MSRB3: variants seen among roughly 807,000 people sequenced by gnomAD.
MSRB3 encodes the protein methionine sulfoxide reductase B3, also known as methionine-R-sulfoxide reductase B3.
A neutral mutation model predicts 21.0 loss-of-function variants in MSRB3; 13 were observed. The ratio of observed to expected loss-of-function variants is 0.62; its 90% CI spans 0.40 to 0.98. The LOEUF (loss-of-function observed/expected upper bound fraction) is 0.98. MSRB3 is among the 50% of genes least tolerant of loss of function. The pLI is 0.00. For missense variants in MSRB3, 199 were observed against 230.3 expected, an observed-to-expected ratio of 0.86 and a Z score of 0.88; for synonymous variants, 87 against 88.6, an observed-to-expected ratio of 0.98 and a Z score of 0.10.
chr12:65,331,937 T>C (rs1875449941), intron 4 of MSRB3, among the ~76,000 whole-genome samples: 1 of 152,206 alleles, frequency 6.6e-6, no homozygotes, highest in Non-Finnish European at 1.5e-5. Context: ...CTGCAAGCAC[T>C]AGAGGAGCTT....
chr12:65,403,391 C>T (rs1880238606), intron 5 of MSRB3, among the ~76,000 whole-genome samples: 1 of 152,162 alleles, frequency 6.6e-6, no homozygotes, highest in African/African-American at 2.4e-5. Flanking sequence ...TTTCTGGCGG[C>T]TTTGTTTACA....
intron 5 of MSRB3, among the ~76,000 whole-genome samples, chr12:65,382,092 T>A (rs912912709): frequency 6.6e-6 from 1 of 152,116 alleles, no homozygotes; most frequent in Non-Finnish European, 1.5e-5. Context: ...ATATCATCCC[T>A]TTCTTCACAA....
At chr12:65,325,598 G>C (rs1178991915) in intron 2 of MSRB3, among the ~76,000 whole-genome samples, 2 of 152,012 alleles carry the variant, frequency 1.3e-5, no homozygotes, top group Admixed American at 1.3e-4. Context: ...TAAGGTCAGC[G>C]ATCTCATACT....
At chr12:65,451,561 A>C (rs1435754604) in intron 5 of MSRB3, among the ~76,000 whole-genome samples, 3 of 152,172 alleles carry the variant, frequency 2.0e-5, no homozygotes, top group Non-Finnish European at 2.9e-5. Flanking sequence ...AACCTTGGCA[A>C]GTAACTTATC....
intron 1 of MSRB3, chr12:65,285,166 T>G (rs1872266835): frequency 6.6e-6 from 1 of 152,226 alleles, no homozygotes; most frequent in African/African-American, 2.4e-5. Flanking sequence ...TATTGATAAC[T>G]TCCTAATGTA....
intron 4 of MSRB3, among the ~76,000 whole-genome samples, chr12:65,349,322 G>T (rs1051856689): frequency 6.6e-6 from 1 of 151,714 alleles, no homozygotes; most frequent in African/African-American, 2.4e-5. Context: ...TGGACATTTG[G>T]GTTGGTTCCA....
intron 4 of MSRB3, among the ~76,000 whole-genome samples, chr12:65,351,281 C>T (rs1592553255): frequency 1.3e-5 from 2 of 149,742 alleles, no homozygotes; most frequent in African/African-American, 5.1e-5. Flanking sequence ...AAAGACACAA[C>T]ATACCAGAAT....
At chr12:65,282,948 TTAAAA>T (rs1872127925) in intron 1 of MSRB3, among the ~76,000 whole-genome samples, 2 of 152,214 alleles carry the variant, frequency 1.3e-5, no homozygotes, top group Non-Finnish European at 2.9e-5. Context: ...GTTATAGTCC[TTAAAA>T]TGAATTGTGA....
At chr12:65,332,711 A>G (rs1044600904) in intron 4 of MSRB3, among the ~76,000 whole-genome samples, 2 of 152,238 alleles carry the variant, frequency 1.3e-5, no homozygotes, top group Non-Finnish European at 2.9e-5. Flanking sequence ...GTGTGTGTGC[A>G]TGCATATACG....
intron 5 of MSRB3, among the ~76,000 whole-genome samples, chr12:65,371,573 A>ATG (rs149808439): frequency 0.58 from 85,982 of 147,660 alleles, 24,837 homozygotes; most frequent in Admixed American, 0.66. Flanking sequence ...GTTAAATTTT[A>ATG]TGTGTGTGTG....
intron 5 of MSRB3, among the ~76,000 whole-genome samples, chr12:65,399,034 G>A (rs1879972202): frequency 1.3e-5 from 2 of 152,168 alleles, no homozygotes; most frequent in Admixed American, 1.3e-4. Context: ...TTGAAGTCAG[G>A]TAGTGTGATG....
chr12:65,354,871 A>G (rs1422932263), intron 4 of MSRB3, among the ~76,000 whole-genome samples: 2 of 151,872 alleles, frequency 1.3e-5, no homozygotes, highest in Non-Finnish European at 1.5e-5. Context: ...GCTGAAATGG[A>G]GACAATGTGT....
intron 2 of MSRB3, among the ~76,000 whole-genome samples, chr12:65,326,172 T>C (rs895596291): frequency 1.3e-5 from 2 of 152,228 alleles, no homozygotes; most frequent in African/African-American, 4.8e-5. Flanking sequence ...CTGTAGTTTA[T>C]TGAAAGTTTC....
At chr12:65,400,524 T>A (rs890339282) in intron 5 of MSRB3, among the ~76,000 whole-genome samples, 1 of 152,070 alleles carries the variant, frequency 6.6e-6, no homozygotes. Context: ...ATCAGGCTAG[T>A]GGTCTATCTA....
intron 1 of MSRB3, chr12:65,286,505 T>G (rs1039914837): frequency 3.9e-5 from 6 of 152,172 alleles, no homozygotes; most frequent in Non-Finnish European, 7.4e-5. Context: ...AGTGCTATTT[T>G]AAAGTGAAAT....
intron 5 of MSRB3, among the ~76,000 whole-genome samples, chr12:65,416,069 TAC>T (rs2136633639): frequency 6.6e-6 from 1 of 152,312 alleles, no homozygotes; most frequent in East Asian, 1.9e-4. Context: ...AGTCAACAGT[TAC>T]AGAGGATAAG....
chr12:65,412,836 G>A (rs1175609782), intron 5 of MSRB3, among the ~76,000 whole-genome samples: 3 of 152,116 alleles, frequency 2.0e-5, no homozygotes, highest in Non-Finnish European at 4.4e-5. Context: ...CTTCAATCAT[G>A]GCGGAAGGTA....
chr12:65,366,464 C>G (rs559060341), intron 4 of MSRB3, among the ~76,000 whole-genome samples: 1 of 152,214 alleles, frequency 6.6e-6, no homozygotes, highest in Admixed American at 6.5e-5. Flanking sequence ...GAAAACAGCA[C>G]AGGCAGAGGA....
chr12:65,456,184 T>C (rs1199520678), intron 6 of MSRB3, among the ~76,000 whole-genome samples: 1 of 152,210 alleles, frequency 6.6e-6, no homozygotes, highest in African/African-American at 2.4e-5. Flanking sequence ...TCGTTGTTTC[T>C]TTTATTTTCT....
Sources: gnomAD v4.1 joint callset for allele counts (sites outside exome capture counted in the v4.1 genomes callset) on GRCh38, gnomAD v4.1.1 for gene constraint, MANE v1.5 for transcripts, NCBI Gene and HGNC (gene_info 2026-07-23, HGNC 2026-07-21) for gene names.